IRF6: variants seen among roughly 807,000 people sequenced by gnomAD.
IRF6 encodes the protein interferon regulatory factor 6.
IRF6 carries 6 observed loss-of-function variants against 51.4 expected under a neutral mutation model. The ratio of observed to expected loss-of-function variants is 0.12; its 90% CI spans 0.06 to 0.23. The LOEUF is 0.23. Ranked by LOEUF, IRF6 falls within the 10% of genes least tolerant of loss-of-function variation. IRF6 has a pLI of 1.00. For synonymous variants in IRF6, 178 were observed against 215.7 expected (o/e 0.83, Z 1.53); for missense variants, 348 against 585.2 (o/e 0.59, Z 4.18).
intron 3 of IRF6, among the ~76,000 whole-genome samples, chr1:209,800,943 C>T (rs1190545255): frequency 1.3e-5 from 2 of 152,138 alleles, no homozygotes; most frequent in African/African-American, 4.8e-5. Flanking sequence ...ACTGCTGACC[C>T]TCGCTAGCTT....
intron 5 of IRF6, 81 bp from the exon 6 acceptor site, chr1:209,792,508 C>G: frequency 2.7e-6 from 4 of 1,486,762 alleles, no homozygotes; most frequent in Non-Finnish European, 3.7e-6. Context: ...CTCACAAGGT[C>G]AGTAGACAAG....
In IRF6 at chr1:209,792,273, G is replaced by A. The variant is rs1385244210; in HGVS notation, c.663C>T (p.Leu221=). 6.2e-7 allele frequency: 1 copy of A among 1,614,020 alleles called. No individual in the cohort carries two copies. Among genetic ancestry groups the A allele is most frequent in the Non-Finnish European group, 8.5e-7 (1 of 1,179,848 alleles). The change falls in exon 6 of 9, where the codon CTC becomes CTT. Residue 221 remains leucine (L), a synonymous_variant. Coordinates refer to ENST00000367021, the MANE Select transcript of IRF6 (RefSeq NM_006147.4). ...YSSPELWISS[L]PMTDLDIKFQ... ...GAAAGATAAAGTCTCACTTACTTGGGAGAGAGCTGATCCACAGTTCTGGAG... is the reference window on the plus strand; with the variant it reads ...GAAAGATAAAGTCTCACTTACTTGGAAGAGAGCTGATCCACAGTTCTGGAG...
In IRF6 at chr1:209,790,536, T is replaced by A. The variant is rs1243774032; in HGVS notation, c.1019A>T (p.Gln340Leu). The A allele has an allele frequency of 1.1e-5, 18 of 1,614,224 alleles. No individual in the cohort carries two copies. Among genetic ancestry groups the A allele is most frequent in the Non-Finnish European group, 1.5e-5 (18 of 1,180,038 alleles). The change falls in exon 7 of 9, where the codon CAA becomes CTA. Residue 340 changes from glutamine to leucine, a missense_variant. Physicochemically the swap from Gln to Leu is moderately radical, Grantham distance 113. Around this residue, in one of 5 missense-constraint regions of IRF6, gnomAD observed 125 missense variants for 222.0 expected, o/e 0.56. Transcript: ENST00000367021. This position sits in a 1 kb window ranked among gnomAD's most constrained non-coding sequence, Gnocchi z 4.8. ...SLVAPNLIERQKKVKLFCLET... is the reference protein window; with the variant it reads ...SLVAPNLIERLKKVKLFCLET... ...CAGACAAAATAGCTTGACCTTCTTT[T>A]GTCTCTCAATCAGGTTGGGAGCAAC...
At chr1:209,792,167 A>T in intron 6 of IRF6, 102 bp downstream of exon 6, 2 of 1,269,384 alleles carry the variant, frequency 1.6e-6, no homozygotes, top group Non-Finnish European at 2.3e-6. Context: ...TGAGACAGGT[A>T]GTTTTTCAAT....
chr1:209,796,356 A>G lies in IRF6; in HGVS notation c.371T>C (p.Ile124Thr), dbSNP rs2077901168. The change falls in exon 4 of 9, where the codon ATT (isoleucine) becomes ACT (threonine). Residue 124 changes from isoleucine to threonine, a missense_variant. Physicochemically the swap from Ile to Thr is moderately conservative, Grantham distance 89. Coordinates refer to ENST00000367021, the MANE Select transcript of IRF6 (RefSeq NM_006147.4). The surrounding 1 kb of genome is among the most constrained non-coding windows in gnomAD (Gnocchi z 4.5). ...AGCACCTGGGGCCTCACCTGGGTTA[A>G]TGATCGAGCCCTGGGGCTGAGGGAT... ...CDIPQPQGSI[I>T]NPGSTGSAPW... The G allele has an allele frequency of 6.2e-7, 1 of 1,613,958 alleles. No homozygotes were observed. Among genetic ancestry groups the G allele is most frequent in the Non-Finnish European group, 8.5e-7 (1 of 1,180,000 alleles).
intron 2 of IRF6, 68 bp from the exon 3 acceptor site, chr1:209,801,484 G>C (rs1285188492): frequency 7.8e-7 from 1 of 1,286,894 alleles, no homozygotes; most frequent in African/African-American, 1.5e-5. Context: ...ACCCTTCCCA[G>C]CCACCTTTCC....
chr1:209,805,735 C>T (rs1301903289), intron 1 of IRF6, among the ~76,000 whole-genome samples: 1 of 145,506 alleles, frequency 6.9e-6, no homozygotes, highest in Non-Finnish European at 1.5e-5. Context: ...AGTGTAGATT[C>T]GAGAGGGGCC....
rs148070087 is a variant in IRF6, at chr1:209,806,089, C to G, written c.-218G>C. 6.6e-6 allele frequency: 1 copy of G among 152,520 alleles called. No homozygotes were observed. The highest frequency in any genetic ancestry group is 6.5e-5 in the Admixed American group (1 of 15,308). The allele number at this position is 152,520 out of a possible 1,614,324, so 9.4% of individuals were successfully genotyped here. On this transcript the variant is annotated 5_prime_UTR_variant, in exon 1 of 9. Coordinates refer to ENST00000367021, the MANE Select transcript of IRF6 (RefSeq NM_006147.4). The stretch of plus-strand genomic sequence containing the variant: ...AGTAGGGACTGCAGGTTCCTCTCCC[C>G]GTCCCGCACCAGCCCTTACCTGCCC...
chr1:209,797,958 T>C (rs1170897697), intron 3 of IRF6, among the ~76,000 whole-genome samples: 2 of 152,216 alleles, frequency 1.3e-5, no homozygotes, highest in African/African-American at 2.4e-5. Context: ...TCCCTTCCTC[T>C]GATTCTGATC....
rs1481772412 is a variant in IRF6, at chr1:209,801,469, T to TGGGAACCCTTCCCAGCCACC, written c.-3-73_-3-54dup. The TGGGAACCCTTCCCAGCCACC allele has an allele frequency of 1.1e-5, 15 of 1,425,432 alleles. No individual in the cohort carries two copies. In the East Asian group the frequency reaches 3.0e-4, roughly 28 times the overall value. The allele number at this position is 1,425,432 out of a possible 1,614,324, so 88.3% of individuals were successfully genotyped here. On this transcript the variant is annotated intron_variant, in intron 2 of 8. Transcript: ENST00000367021. ...AGAGCAGAAGAATTAGGCCAGCCAC[T>TGGGAACCCTTCCCAGCCACC]GGGAACCCTTCCCAGCCACCTTTCC...
chr1:209,801,183 C>CAAA lies in IRF6; in HGVS notation c.174+54_174+56dup, dbSNP rs35878470. 3,661 of 1,041,810 alleles carry CAAA rather than the reference C, an allele frequency of 3.5e-3. 11 individuals are homozygous for CAAA. Among genetic ancestry groups the CAAA allele is most frequent in the African/African-American group, 0.018 (844 of 48,100 alleles). 64.5% of individuals were successfully genotyped at this position (1,041,810 alleles called of 1,614,324 possible). A position where few individuals can be genotyped will look rare whatever the true frequency, so the allele number is the denominator to read the frequency against. On this transcript the variant is annotated intron_variant, in intron 3 of 8. Transcript: ENST00000367021. ...TTTAGATCTAGTGTATTCCCCATGC[C>CAAA]AAAAAAAAAAAAAAAAAAAAATCCA...
At position 209,797,268 on chromosome 1, in the gene IRF6, G is replaced by C. The variant is rs556893833; in HGVS notation, c.175-716C>G. On this transcript the variant is annotated intron_variant, in intron 3 of 8. Transcript: ENST00000367021. ...GCCTATTATCCCAGCTACTCGGGAG[G>C]CTGAGGCAGGAGAATCACTTGAACC... Among the ~76,000 whole-genome samples, 12 of 150,130 alleles carry C rather than the reference G, an allele frequency of 8.0e-5. No individual in the cohort carries two copies. In the East Asian group the frequency reaches 2.2e-3, roughly 28 times the overall value.
chr1:209,798,537 C>T (rs1163472455), intron 3 of IRF6, among the ~76,000 whole-genome samples: 4 of 152,158 alleles, frequency 2.6e-5, no homozygotes, highest in African/African-American at 9.7e-5. Context: ...CACAGCCATC[C>T]CCAGGACCCA....
rs2077838749 is a variant in IRF6 at position 209,787,087 on chromosome 1, G to A, written c.*1333C>T. ...AAAAAAATTAGCCAAGCATCATAGT[G>A]CACGACTGTTGTCCCAACTACTCAG... On this transcript the variant is annotated 3_prime_UTR_variant, in exon 9 of 9. Coordinates refer to ENST00000367021, the MANE Select transcript of IRF6 (RefSeq NM_006147.4). 1 of 152,534 alleles carries A rather than the reference G, an allele frequency of 6.6e-6. No homozygotes were observed. The highest frequency in any genetic ancestry group is 2.4e-5 in the African/African-American group (1 of 41,354). 9.4% of individuals were successfully genotyped at this position (152,534 alleles called of 1,614,324 possible).
chr1:209,802,961 A>G (rs2077952725), intron 1 of IRF6, among the ~76,000 whole-genome samples: 2 of 152,354 alleles, frequency 1.3e-5, no homozygotes, highest in Non-Finnish European at 1.5e-5. Flanking sequence ...AGAGCAAGGC[A>G]AGACCTGCTC....
intron 4 of IRF6, among the ~76,000 whole-genome samples, chr1:209,795,720 G>A (rs761877795): frequency 2.0e-5 from 3 of 152,142 alleles, no homozygotes; most frequent in Admixed American, 6.6e-5. Flanking sequence ...TGAATTAAAC[G>A]ATCAGTCACC....
intron 2 of IRF6, 129 bp from the exon 3 acceptor site, chr1:209,801,545 G>A: frequency 1.4e-6 from 1 of 739,142 alleles, no homozygotes; most frequent in Non-Finnish European, 2.1e-6. Flanking sequence ...AACTAAATAT[G>A]GGAATAAGCT....
At chr1:209,789,907 T>C (rs1340218329) in intron 7 of IRF6, 122 bp from the exon 8 acceptor site, 3 of 730,874 alleles carry the variant, frequency 4.1e-6, no homozygotes, top group Non-Finnish European at 7.3e-6. Context: ...AGTTTTAAAT[T>C]AATTAAACAG....
In IRF6 at chr1:209,796,381, T is replaced by G. The variant is rs1223298339; in HGVS notation, c.346A>C (p.Ile116Leu). 1 of 1,614,024 alleles carries G rather than the reference T, an allele frequency of 6.2e-7. No individual in the cohort carries two copies. Residue 116 changes from isoleucine (I) to leucine (L), a missense_variant, in exon 4 of 9, where the codon ATC (isoleucine) becomes CTC (leucine). Physicochemically the swap from Ile to Leu is conservative, Grantham distance 5 (BLOSUM62 2). Transcript: ENST00000367021. This position sits in a 1 kb window ranked among gnomAD's most constrained non-coding sequence, Gnocchi z 4.5. ...NPVKIYQVCD[I>L]PQPQGSIINP... ...ATGATCGAGCCCTGGGGCTGAGGGA[T>G]GTCACACACTTGATATATCTTCACT...
Sources: gnomAD v4.1 joint callset for allele counts (sites outside exome capture counted in the v4.1 genomes callset) on GRCh38, gnomAD v4.1.1 for gene constraint, gnomAD v4.1.1 regional missense constraint, Gnocchi (gnomAD v3.1) non-coding constraint, MANE v1.5 for transcripts, NCBI Gene and HGNC (gene_info 2026-07-23, HGNC 2026-07-21) for gene names.